Variants in NDC80 observed in about 807,000 individuals in gnomAD.
NDC80 encodes NDC80 kinetochore complex component, also known as kinetochore protein NDC80 homolog.
NDC80 carries 69 observed loss-of-function variants against 89.3 expected under a neutral mutation model. The observed-to-expected ratio is 0.77, with a 90% CI of 0.64 to 0.94. The LOEUF (loss-of-function observed/expected upper bound fraction) is 0.94, where lower values mean the gene tolerates loss of function less well. Among genes scored for constraint, NDC80 ranks in the 40% least tolerant of loss-of-function variants. The pLI, the probability that NDC80 is intolerant of heterozygous loss-of-function variation, is 0.00. For missense variants in NDC80, 593 were observed against 739.6 expected, an observed-to-expected ratio of 0.80 and a Z score of 2.30; for synonymous variants, 243 against 255.6, an observed-to-expected ratio of 0.95 and a Z score of 0.47.
intron 16 of NDC80, among the ~76,000 whole-genome samples, chr18:2,613,957 T>A (rs183802693): frequency 6.6e-5 from 10 of 152,302 alleles, no homozygotes; most frequent in African/African-American, 2.4e-4. Flanking sequence ...ATAATTATTT[T>A]ACTTGAATGA....
intron 3 of NDC80, chr18:2,577,316 G>A (rs1441535416): frequency 6.3e-6 from 1 of 159,402 alleles, no homozygotes; most frequent in African/African-American, 2.4e-5. Context: ...GCCAGTTCAA[G>A]CAATTCTCCT....
chr18:2,592,490 G>A (rs767820197), intron 10 of NDC80, among the ~76,000 whole-genome samples: 1 of 151,582 alleles, frequency 6.6e-6, no homozygotes, highest in Non-Finnish European at 1.5e-5. Context: ...CAAGTAGCTG[G>A]GACTACAGGA....
chr18:2,578,991 A>G lies in NDC80; in HGVS notation c.541A>G (p.Ile181Val), dbSNP rs779259626. ...GGGGGCTCCTCATACATGGCCTCAC[A>G]TTGTGGCAGCCTTAGTTTGGCTAAT... ...TVGAPHTWPH[I>V]VAALVWLIDC... Residue 181 changes from isoleucine to valine, a missense_variant, in exon 6 of 17, where the codon ATT (isoleucine) becomes GTT (valine). Physicochemically the swap from Ile to Val is conservative, Grantham distance 29. Coordinates refer to ENST00000261597, the MANE Select transcript of NDC80 (RefSeq NM_006101.3). The G allele has an allele frequency of 1.1e-4, 179 of 1,580,126 alleles. No homozygotes were observed. The highest frequency in any genetic ancestry group is 7.7e-6 in the Non-Finnish European group (9 of 1,163,070).
At position 2,579,096 on chromosome 18, in the gene NDC80, C is replaced by T. The variant is rs972203305; in HGVS notation, c.579+67C>T. 7.7e-6 allele frequency: 7 copies of T among 914,480 alleles called. No homozygotes were observed. The African/African-American group carries it at 1.0e-4, about 13-fold the overall frequency. The allele number at this position is 914,480 out of a possible 1,614,324, so 56.6% of individuals were successfully genotyped here. ...TTTTTTTCCTCAAAAAAAATATTTT[C>T]TCTCCCAGTCTTTTGACAGTATTCT... On this transcript the variant is annotated intron_variant, in intron 6 of 16. Transcript: ENST00000261597.
At chr18:2,584,520 A>C (rs2072594967) in intron 6 of NDC80, among the ~76,000 whole-genome samples, 1 of 152,104 alleles carries the variant, frequency 6.6e-6, no homozygotes, top group Non-Finnish European at 1.5e-5. Context: ...AAAACCTTTA[A>C]CTATTTTCCT....
At chr18:2,612,286 T>C (rs1383628577) in intron 16 of NDC80, among the ~76,000 whole-genome samples, 1 of 111,470 alleles carries the variant, frequency 9.0e-6, no homozygotes, top group South Asian at 2.9e-4. Context: ...CTTTTTTTTT[T>C]TTTTTTTTTT....
intron 11 of NDC80, among the ~76,000 whole-genome samples, chr18:2,597,449 G>T (rs1418417071): frequency 6.6e-6 from 1 of 152,168 alleles, no homozygotes; most frequent in Non-Finnish European, 1.5e-5. Flanking sequence ...TAAGGATTCG[G>T]TCCGGATGCA....
rs2072650883 is a variant in NDC80, at chr18:2,595,622, G to T, written c.1221+1G>T. ...AAAATATGCCAGAGGCAAAGAAGCG[G>T]TATGTCATACCATTTCCAGAGTGGC... On this transcript the variant is annotated splice_donor_variant, in intron 11 of 16. Coordinates refer to ENST00000261597, the MANE Select transcript of NDC80 (RefSeq NM_006101.3). LOFTEE classifies it high-confidence loss of function. 1 of 1,612,190 alleles carries T rather than the reference G, an allele frequency of 6.2e-7. No homozygotes were observed. The highest frequency in any genetic ancestry group is 8.5e-7 in the Non-Finnish European group (1 of 1,178,946).
chr18:2,585,746 T>G (rs2072600255), intron 7 of NDC80, among the ~76,000 whole-genome samples: 1 of 152,184 alleles, frequency 6.6e-6, no homozygotes, highest in Admixed American at 6.5e-5. Context: ...GCACAAAAAT[T>G]TGAAAATTTT....
At chr18:2,588,162 C>T (rs2072611092) in intron 8 of NDC80, among the ~76,000 whole-genome samples, 1 of 152,154 alleles carries the variant, frequency 6.6e-6, no homozygotes, top group African/African-American at 2.4e-5. Flanking sequence ...TAATAAAATA[C>T]TTGACCTCCT....
At chr18:2,607,887 A>T (rs1219971531) in intron 14 of NDC80, among the ~76,000 whole-genome samples, 1 of 147,592 alleles carries the variant, frequency 6.8e-6, no homozygotes, top group Non-Finnish European at 1.5e-5. Context: ...TCTCAAGAAA[A>T]GATATCATGG....
intron 10 of NDC80, among the ~76,000 whole-genome samples, chr18:2,591,184 G>C (rs977669445): frequency 6.6e-6 from 1 of 152,194 alleles, no homozygotes. Context: ...TCGGGGAAAA[G>C]AGCAACCAAA....
intron 6 of NDC80, among the ~76,000 whole-genome samples, chr18:2,581,311 A>G (rs981255978): frequency 1.3e-5 from 2 of 152,194 alleles, no homozygotes; most frequent in Admixed American, 1.3e-4. Flanking sequence ...AGTATAAGAA[A>G]GAGAAGGCCT....
Position 2,590,046 on chromosome 18 carries a change from A to C in NDC80, c.899A>C (p.Lys300Thr), listed in dbSNP as rs753954742. ...PNRLESLRKL[K>T]ASLQGDVQKY... ...CGTCTAGAGTCGTTGAGAAAACTGA[A>C]GGCTTCCTTACAAGGAGATGTTCAA... The change falls in exon 10 of 17, where the codon AAG becomes ACG. Residue 300 changes from lysine (K) to threonine (T), a missense_variant. Physicochemically the swap from Lys to Thr is moderately conservative, Grantham distance 78. Coordinates refer to ENST00000261597, the MANE Select transcript of NDC80 (RefSeq NM_006101.3). The C allele has an allele frequency of 1.8e-5, 29 of 1,605,916 alleles. No individual in the cohort carries two copies. Among genetic ancestry groups the C allele is most frequent in the Admixed American group, 1.4e-4 (8 of 58,680 alleles).
intron 6 of NDC80, 45 bp from the exon 7 acceptor site, chr18:2,585,068 G>T (rs1190822893): frequency 6.8e-7 from 1 of 1,477,812 alleles, no homozygotes; most frequent in South Asian, 1.2e-5. Flanking sequence ...AATGAAAGTT[G>T]TGTTTTTCAG....
intron 6 of NDC80, among the ~76,000 whole-genome samples, chr18:2,579,598 T>C (rs2072565910): frequency 6.6e-6 from 1 of 152,102 alleles, no homozygotes; most frequent in African/African-American, 2.4e-5. Flanking sequence ...TGGCTAATTT[T>C]CTATTTTTAG....
chr18:2,603,094 G>T (rs930721616), intron 13 of NDC80, among the ~76,000 whole-genome samples: 20 of 152,060 alleles, frequency 1.3e-4, no homozygotes, highest in Non-Finnish European at 1.5e-4. Flanking sequence ...CTGTCTGTAG[G>T]ATATCCAGGA....
intron 7 of NDC80, among the ~76,000 whole-genome samples, chr18:2,586,394 A>T (rs182520253): frequency 5.6e-4 from 86 of 152,230 alleles, no homozygotes; most frequent in Non-Finnish European, 1.0e-3. Flanking sequence ...GCCTCTAATT[A>T]CCCCTCAGTT....
intron 14 of NDC80, among the ~76,000 whole-genome samples, chr18:2,608,464 C>A (rs1046897542): frequency 2.0e-5 from 3 of 152,086 alleles, no homozygotes; most frequent in Admixed American, 1.3e-4. Context: ...CCTCAACCTC[C>A]CAAAGTGCTG....
Sources: allele counts gnomAD v4.1 joint callset (sites outside exome capture counted in the v4.1 genomes callset), GRCh38; gene constraint gnomAD v4.1.1; transcripts MANE v1.5; gene names NCBI Gene and HGNC (gene_info 2026-07-23, HGNC 2026-07-21).